CDH12: variants seen among roughly 807,000 people sequenced by gnomAD.
CDH12 encodes cadherin-12.
Under a neutral mutation model 74.1 loss-of-function variants are expected in CDH12, and 41 were observed. That is an observed-to-expected ratio of 0.55 (90% CI 0.43 to 0.72). The LOEUF (loss-of-function observed/expected upper bound fraction) is 0.72. Among genes scored for constraint, CDH12 ranks in the 30% least tolerant of loss-of-function variants. The pLI, the probability that CDH12 is intolerant of heterozygous loss-of-function variation, is 0.00. For synonymous variants in CDH12, 399 were observed against 355.0 expected (o/e 1.12, Z -1.39); for missense variants, 945 against 977.2 (o/e 0.97, Z 0.44).
chr5:21,798,349 T>C (rs1746911615), intron 10 of CDH12, among the ~76,000 whole-genome samples: 2 of 151,994 alleles, frequency 1.3e-5, no homozygotes, highest in South Asian at 4.2e-4. Context: ...CATGTTGTAA[T>C]ATGGAAATGT....
intron 4 of CDH12, among the ~76,000 whole-genome samples, chr5:22,119,105 A>G (rs1360124141): frequency 6.6e-6 from 1 of 152,080 alleles, no homozygotes; most frequent in Non-Finnish European, 1.5e-5. Context: ...GAAAGTAAAG[A>G]CTGTGTACAT....
chr5:21,879,076 TG>T (rs1183235915), intron 6 of CDH12, among the ~76,000 whole-genome samples: 7 of 152,194 alleles, frequency 4.6e-5, no homozygotes, highest in Non-Finnish European at 8.8e-5. Context: ...TCCGTTCACA[TG>T]CTATCAAATT....
chr5:22,247,970 TC>T (rs1306249468), intron 3 of CDH12, among the ~76,000 whole-genome samples: 2 of 152,158 alleles, frequency 1.3e-5, no homozygotes, highest in Non-Finnish European at 2.9e-5. Flanking sequence ...AAACTTAGGA[TC>T]CTACCTTTTG....
At chr5:22,505,463 G>T (rs902461491) in intron 1 of CDH12, 99 bp from the exon 2 acceptor site, 12 of 259,320 alleles carry the variant, frequency 4.6e-5, no homozygotes, top group Non-Finnish European at 6.6e-5. Context: ...TGCAAAGATG[G>T]TATAGAGAGT....
chr5:22,083,140 C>T (rs1580221886), intron 4 of CDH12, among the ~76,000 whole-genome samples: 1 of 152,154 alleles, frequency 6.6e-6, no homozygotes, highest in Non-Finnish European at 1.5e-5. Context: ...TTTTAAAAAA[C>T]TTGCATATCA....
At chr5:21,768,297 T>A (rs1745135625) in intron 11 of CDH12, among the ~76,000 whole-genome samples, 1 of 151,806 alleles carries the variant, frequency 6.6e-6, no homozygotes, top group African/African-American at 2.4e-5. Flanking sequence ...CCTTATACCT[T>A]CACAATGCTT....
At chr5:22,798,908 A>T (rs575138242) in intron 1 of CDH12, among the ~76,000 whole-genome samples, 1 of 152,154 alleles carries the variant, frequency 6.6e-6, no homozygotes, top group East Asian at 1.9e-4. Flanking sequence ...TGAGCCCAGG[A>T]GTTTGAGATC....
At chr5:22,328,737 G>GA (rs1479045666) in intron 3 of CDH12, among the ~76,000 whole-genome samples, 1 of 152,206 alleles carries the variant, frequency 6.6e-6, no homozygotes. Context: ...AAAAGAAAGT[G>GA]AAAAAATATA....
chr5:22,173,904 A>G (rs1749187343), intron 4 of CDH12, among the ~76,000 whole-genome samples: 1 of 151,974 alleles, frequency 6.6e-6, no homozygotes, highest in African/African-American at 2.4e-5. Flanking sequence ...GCCACATGCC[A>G]CTCCAAGTGG....
chr5:22,068,269 CTCT>C (rs541854731), intron 5 of CDH12, among the ~76,000 whole-genome samples: 72 of 152,308 alleles, frequency 4.7e-4, no homozygotes, highest in African/African-American at 1.7e-3. Flanking sequence ...CTGCCACACT[CTCT>C]TCTCTTTCCA....
intron 1 of CDH12, among the ~76,000 whole-genome samples, chr5:22,555,294 C>T (rs1738751799): frequency 6.6e-6 from 1 of 151,914 alleles, no homozygotes. Context: ...CATGAATTTT[C>T]TTACAGTGAA....
intron 4 of CDH12, among the ~76,000 whole-genome samples, chr5:22,130,572 A>G (rs1746125767): frequency 6.6e-6 from 1 of 152,050 alleles, no homozygotes; most frequent in South Asian, 2.1e-4. Context: ...AGGGAATGAG[A>G]GGACAAATTG....
chr5:22,034,452 CAT>C (rs1311749504), intron 5 of CDH12, among the ~76,000 whole-genome samples: 4 of 152,126 alleles, frequency 2.6e-5, no homozygotes, highest in Admixed American at 2.6e-4. Flanking sequence ...AAGGAAAAAA[CAT>C]ATGATGCACG....
At chr5:21,788,946 C>CT (rs575691473) in intron 10 of CDH12, among the ~76,000 whole-genome samples, 102 of 151,882 alleles carry the variant, frequency 6.7e-4, no homozygotes, top group Non-Finnish European at 1.3e-3. Context: ...TTTCTCATGT[C>CT]TTTTTTGTGT....
chr5:22,793,720 C>T (rs1197587183), intron 1 of CDH12, among the ~76,000 whole-genome samples: 1 of 151,450 alleles, frequency 6.6e-6, no homozygotes, highest in Non-Finnish European at 1.5e-5. Context: ...CATCATAAAG[C>T]CTGATCTCAT....
chr5:22,537,174 A>G (rs537234245), intron 1 of CDH12, among the ~76,000 whole-genome samples: 8 of 152,222 alleles, frequency 5.3e-5, no homozygotes, highest in Non-Finnish European at 1.0e-4. Context: ...TATAAAGGTA[A>G]CAAGATTACA....
chr5:22,346,314 T>C (rs147051360), intron 3 of CDH12, among the ~76,000 whole-genome samples: 10 of 152,302 alleles, frequency 6.6e-5, no homozygotes, highest in African/African-American at 2.4e-4. Flanking sequence ...ATCCTATCAT[T>C]CATATTTTTA....
At chr5:22,096,749 G>A (rs919631657) in intron 4 of CDH12, among the ~76,000 whole-genome samples, 3 of 152,082 alleles carry the variant, frequency 2.0e-5, no homozygotes, top group South Asian at 2.1e-4. Context: ...ATATAAAAAC[G>A]CAGCCCAGTT....
At chr5:22,534,339 AT>A (rs930397740) in intron 1 of CDH12, among the ~76,000 whole-genome samples, 18 of 152,056 alleles carry the variant, frequency 1.2e-4, no homozygotes, top group African/African-American at 3.9e-4. Flanking sequence ...GTAGTCTTTT[AT>A]CCCTCACCCC....
Sources: gnomAD v4.1 joint callset for allele counts (sites outside exome capture counted in the v4.1 genomes callset) on GRCh38, gnomAD v4.1.1 for gene constraint, MANE v1.5 for transcripts, NCBI Gene and HGNC (gene_info 2026-07-23, HGNC 2026-07-21) for gene names.